The following L3MBTL4 variants were observed in gnomAD, a reference collection of about 807,000 sequenced individuals.
The protein encoded by L3MBTL4 is L3MBTL histone methyl-lysine binding protein 4, also known as lethal(3)malignant brain tumor-like protein 4.
Under a neutral mutation model 84.5 loss-of-function variants are expected in L3MBTL4, and 70 were observed. The observed-to-expected ratio is 0.83, with a 90% CI of 0.68 to 1.01. The LOEUF (loss-of-function observed/expected upper bound fraction) is 1.01. L3MBTL4 is among the 50% of genes least tolerant of loss of function. The probability of loss-of-function intolerance (pLI) is 0.00; values close to 1 mark genes in which losing one functional copy is unlikely to be tolerated. For synonymous variants in L3MBTL4, 274 were observed against 259.8 expected, an observed-to-expected ratio of 1.05 and a Z score of -0.52; for missense variants, 715 against 754.8, an observed-to-expected ratio of 0.95 and a Z score of 0.62.
chr18:6,135,942 A>G (rs1471662100), intron 14 of L3MBTL4, among the ~76,000 whole-genome samples: 1 of 152,218 alleles, frequency 6.6e-6, no homozygotes, highest in African/African-American at 2.4e-5. Flanking sequence ...GGACTGGGAA[A>G]GAAAAAGAGG....
At chr18:6,072,904 A>G (rs1306176093) in intron 16 of L3MBTL4, among the ~76,000 whole-genome samples, 1 of 99,004 alleles carries the variant, frequency 1.0e-5, no homozygotes, top group Non-Finnish European at 2.0e-5. Context: ...ATATATATAT[A>G]TATATATATA....
At chr18:5,984,868 A>G (rs1361484503) in intron 16 of L3MBTL4, among the ~76,000 whole-genome samples, 2 of 152,176 alleles carry the variant, frequency 1.3e-5, no homozygotes, top group Admixed American at 6.6e-5. Context: ...TTTTATAGGT[A>G]TAGATTATTG....
At chr18:6,060,802 C>G (rs139955275) in intron 16 of L3MBTL4, among the ~76,000 whole-genome samples, 1 of 152,216 alleles carries the variant, frequency 6.6e-6, no homozygotes, top group East Asian at 1.9e-4. Flanking sequence ...TAGCAATATG[C>G]AATTAAGGCT....
chr18:6,354,754 G>A (rs1324040650), intron 1 of L3MBTL4, among the ~76,000 whole-genome samples: 2 of 151,216 alleles, frequency 1.3e-5, no homozygotes, highest in Non-Finnish European at 2.9e-5. Flanking sequence ...AAGTTAAAAT[G>A]GCTTTTATCC....
chr18:6,037,019 T>A (rs2056172809), intron 16 of L3MBTL4, among the ~76,000 whole-genome samples: 1 of 152,232 alleles, frequency 6.6e-6, no homozygotes. Context: ...TGGCTTTTTA[T>A]ATTCCCTGAG....
intron 4 of L3MBTL4, among the ~76,000 whole-genome samples, chr18:6,290,133 G>A (rs945815278): frequency 6.6e-6 from 1 of 152,062 alleles, no homozygotes; most frequent in Admixed American, 6.5e-5. Flanking sequence ...GGTTGCCCAG[G>A]CTGATCTCCT....
chr18:5,979,587 G>T (rs1409393888), intron 16 of L3MBTL4, among the ~76,000 whole-genome samples: 3 of 152,172 alleles, frequency 2.0e-5, no homozygotes, highest in Non-Finnish European at 4.4e-5. Flanking sequence ...GCAGCCCAGG[G>T]TGGAGCTGGG....
intron 16 of L3MBTL4, among the ~76,000 whole-genome samples, chr18:6,055,201 T>C (rs553794098): frequency 3.9e-5 from 6 of 152,256 alleles, no homozygotes; most frequent in Admixed American, 6.5e-5. Context: ...TAGATGTTCA[T>C]GATGTTTAAA....
At chr18:6,307,048 C>T (rs988884942) in intron 3 of L3MBTL4, among the ~76,000 whole-genome samples, 6 of 152,154 alleles carry the variant, frequency 3.9e-5, no homozygotes, top group African/African-American at 1.2e-4. Context: ...TTTGCTCATG[C>T]TGCCTCCTTA....
intron 1 of L3MBTL4, among the ~76,000 whole-genome samples, chr18:6,352,537 A>G (rs2053246992): frequency 6.6e-6 from 1 of 152,242 alleles, no homozygotes; most frequent in Non-Finnish European, 1.5e-5. Flanking sequence ...TGATGAGATT[A>G]CTATGAACTT....
At chr18:6,106,731 C>A (rs7229874) in intron 14 of L3MBTL4, among the ~76,000 whole-genome samples, 55,246 of 152,142 alleles carry the variant, frequency 0.36, 14,298 homozygotes, top group African/African-American at 0.74. Context: ...CTGCACCTAC[C>A]CAGTCAAATA....
chr18:6,325,556 C>T (rs746000804), intron 1 of L3MBTL4, among the ~76,000 whole-genome samples: 2 of 151,992 alleles, frequency 1.3e-5, no homozygotes, highest in Non-Finnish European at 2.9e-5. Flanking sequence ...ATACGGCAAA[C>T]TATATAAGTA....
intron 1 of L3MBTL4, among the ~76,000 whole-genome samples, chr18:6,324,927 C>T (rs2051637901): frequency 6.6e-6 from 1 of 152,124 alleles, no homozygotes; most frequent in African/African-American, 2.4e-5. Flanking sequence ...CATTAGTAAT[C>T]AGGAAAATGA....
intron 1 of L3MBTL4, among the ~76,000 whole-genome samples, chr18:6,352,291 C>A (rs1199342330): frequency 6.6e-6 from 1 of 152,160 alleles, no homozygotes. Context: ...CCAATCTCCT[C>A]ATCTTTATGA....
At chr18:6,347,755 A>G (rs1335958731) in intron 1 of L3MBTL4, among the ~76,000 whole-genome samples, 2 of 151,948 alleles carry the variant, frequency 1.3e-5, no homozygotes, top group African/African-American at 4.8e-5. Flanking sequence ...TGAGTTGGAA[A>G]TTATGTGGAT....
chr18:6,067,500 T>C (rs2057440886), intron 16 of L3MBTL4, among the ~76,000 whole-genome samples: 2 of 152,194 alleles, frequency 1.3e-5, no homozygotes, highest in Non-Finnish European at 2.9e-5. Flanking sequence ...TTTCTTGAGA[T>C]TCTTTTTTCT....
chr18:6,073,743 G>A (rs774550548), intron 16 of L3MBTL4, among the ~76,000 whole-genome samples: 1 of 152,026 alleles, frequency 6.6e-6, no homozygotes, highest in East Asian at 1.9e-4. Flanking sequence ...CTTTTTTCAC[G>A]AACTTCACAA....
chr18:6,360,583 A>G (rs1180939524), intron 1 of L3MBTL4, among the ~76,000 whole-genome samples: 1 of 152,104 alleles, frequency 6.6e-6, no homozygotes, highest in Non-Finnish European at 1.5e-5. Flanking sequence ...AAGAATGAAG[A>G]GAATGACATT....
intron 12 of L3MBTL4, among the ~76,000 whole-genome samples, chr18:6,191,868 T>C (rs2045111701): frequency 6.6e-6 from 1 of 151,990 alleles, no homozygotes; most frequent in African/African-American, 2.4e-5. Context: ...CACGCACCTA[T>C]AGTCCCAGCT....
Sources: gnomAD v4.1 joint callset for allele counts (sites outside exome capture counted in the v4.1 genomes callset) on GRCh38, gnomAD v4.1.1 for gene constraint, MANE v1.5 for transcripts, NCBI Gene and HGNC (gene_info 2026-07-23, HGNC 2026-07-21) for gene names.